PDE4B: variants seen among roughly 807,000 people sequenced by gnomAD.
PDE4B encodes the protein 3',5'-cyclic-AMP phosphodiesterase 4B.
A neutral mutation model predicts 82.2 loss-of-function variants in PDE4B; 20 were observed. The ratio of observed to expected loss-of-function variants is 0.24; its 90% CI spans 0.17 to 0.35. The LOEUF is 0.35. Among genes scored for constraint, PDE4B ranks in the 10% least tolerant of loss-of-function variants. The pLI, the probability that PDE4B is intolerant of heterozygous loss-of-function variation, is 1.00. For missense variants in PDE4B, 655 were observed against 907.2 expected, an observed-to-expected ratio of 0.72 and a Z score of 3.57; for synonymous variants, 320 against 318.9, an observed-to-expected ratio of 1.00 and a Z score of -0.04.
At chr1:65,905,576 T>C (rs1213404126) in intron 1 of PDE4B, among the ~76,000 whole-genome samples, 1 of 152,132 alleles carries the variant, frequency 6.6e-6, no homozygotes, top group Admixed American at 6.6e-5. Context: ...GCATGAAGAA[T>C]GCAAAGCTGG....
chr1:65,883,291 T>C (rs1220360609), intron 1 of PDE4B, among the ~76,000 whole-genome samples: 1 of 152,204 alleles, frequency 6.6e-6, no homozygotes, highest in African/African-American at 2.4e-5. Flanking sequence ...CCCATGAGCA[T>C]GGAATGTTCT....
intron 3 of PDE4B, among the ~76,000 whole-genome samples, chr1:66,103,278 A>G (rs1480594900): frequency 2.0e-5 from 3 of 149,800 alleles, no homozygotes; most frequent in Non-Finnish European, 4.5e-5. Flanking sequence ...CCCTCTCTGT[A>G]TCTTCAGGAA....
intron 7 of PDE4B, among the ~76,000 whole-genome samples, chr1:66,315,478 C>T (rs1658962007): frequency 6.6e-6 from 1 of 152,032 alleles, no homozygotes; most frequent in South Asian, 2.1e-4. Flanking sequence ...GTCACCCAGG[C>T]TGAGTCTCAC....
intron 3 of PDE4B, among the ~76,000 whole-genome samples, chr1:66,124,929 G>GTGTGTC (rs1553149133): frequency 6.6e-6 from 1 of 151,414 alleles, no homozygotes; most frequent in Non-Finnish European, 1.5e-5. Context: ...GTGTGTGTGT[G>GTGTGTC]TGTGTGTGTG....
intron 3 of PDE4B, among the ~76,000 whole-genome samples, chr1:66,000,177 G>A (rs1379648134): frequency 2.6e-5 from 4 of 152,166 alleles, no homozygotes; most frequent in Non-Finnish European, 5.9e-5. Context: ...TCATCAAGTA[G>A]CATGGTTGGT....
intron 3 of PDE4B, among the ~76,000 whole-genome samples, chr1:66,149,335 A>G (rs1052009777): frequency 2.0e-5 from 3 of 152,148 alleles, no homozygotes; most frequent in Non-Finnish European, 4.4e-5. Flanking sequence ...TGAGTTATTT[A>G]TATATTCTGG....
At chr1:66,229,164 T>A (rs12726571) in intron 3 of PDE4B, among the ~76,000 whole-genome samples, 1 of 150,802 alleles carries the variant, frequency 6.6e-6, no homozygotes, top group African/African-American at 2.5e-5. Context: ...CCCACCACCA[T>A]GCCCGGCTAA....
At chr1:65,794,070 T>C (rs1355972694) in intron 1 of PDE4B, among the ~76,000 whole-genome samples, 3 of 152,198 alleles carry the variant, frequency 2.0e-5, no homozygotes, top group Non-Finnish European at 4.4e-5. Context: ...TCTGTGTGTG[T>C]CACACACGTG....
At chr1:65,918,425 C>G (rs944827309) in intron 2 of PDE4B, among the ~76,000 whole-genome samples, 172 bp from the exon 3 acceptor site, 6 of 152,090 alleles carry the variant, frequency 3.9e-5, no homozygotes, top group African/African-American at 1.4e-4. Context: ...GAGAATCAGC[C>G]TCTTCTATTG....
At chr1:65,987,636 A>C (rs1178178553) in intron 3 of PDE4B, among the ~76,000 whole-genome samples, 1 of 151,798 alleles carries the variant, frequency 6.6e-6, no homozygotes, top group East Asian at 1.9e-4. Context: ...TTTGAGATGG[A>C]GTCTCACTGT....
At chr1:66,097,382 A>G in intron 3 of PDE4B, among the ~76,000 whole-genome samples, 1 of 151,990 alleles carries the variant, frequency 6.6e-6, no homozygotes, top group East Asian at 1.9e-4. Flanking sequence ...GTATGTGTTT[A>G]TTTGCCTGCC....
chr1:66,073,209 C>T (rs1656250177), intron 3 of PDE4B, among the ~76,000 whole-genome samples: 1 of 152,078 alleles, frequency 6.6e-6, no homozygotes, highest in Non-Finnish European at 1.5e-5. Flanking sequence ...CATGGCACAT[C>T]TACGCACCTT....
At chr1:65,927,651 T>C (rs1287213899) in intron 3 of PDE4B, among the ~76,000 whole-genome samples, 1 of 151,904 alleles carries the variant, frequency 6.6e-6, no homozygotes, top group Non-Finnish European at 1.5e-5. Flanking sequence ...ATGGGAGAGT[T>C]GAATGGGAAT....
intron 3 of PDE4B, among the ~76,000 whole-genome samples, chr1:66,084,700 G>C (rs538412488): frequency 3.3e-5 from 5 of 152,068 alleles, no homozygotes; most frequent in Admixed American, 3.3e-4. Context: ...AGATATGGTA[G>C]GTCTGGCCTG....
chr1:66,234,312 G>A (rs765602339), intron 3 of PDE4B, among the ~76,000 whole-genome samples: 14 of 152,122 alleles, frequency 9.2e-5, no homozygotes, highest in South Asian at 4.2e-4. Context: ...TTTTTGAGAC[G>A]GAGTCTTGCT....
intron 3 of PDE4B, among the ~76,000 whole-genome samples, chr1:66,186,309 G>T (rs2101439794): frequency 6.6e-6 from 1 of 152,268 alleles, no homozygotes; most frequent in East Asian, 1.9e-4. Flanking sequence ...GATTCACTTG[G>T]TGATGCGGGC....
chr1:65,951,691 G>A (rs558299197), intron 3 of PDE4B, among the ~76,000 whole-genome samples: 13 of 152,136 alleles, frequency 8.5e-5, no homozygotes, highest in East Asian at 1.9e-4. Flanking sequence ...AAATCCATGC[G>A]GAAATGAGGT....
intron 3 of PDE4B, among the ~76,000 whole-genome samples, chr1:66,039,985 T>A (rs1654279330): frequency 6.6e-6 from 1 of 151,996 alleles, no homozygotes; most frequent in East Asian, 1.9e-4. Flanking sequence ...TAGGAATGGA[T>A]AATTGAGAGG....
rs560696094 is a variant in PDE4B at position 65,914,473 on chromosome 1, T to TTCTTC, written c.42+1118_42+1119insCTTCT. 1.4e-4 allele frequency among the ~76,000 whole-genome samples: 13 copies of TTCTTC among 95,718 alleles called. No individual in the cohort carries two copies. The East Asian group carries it at 1.6e-3, about 12-fold the overall frequency. The allele number at this position is 95,718 out of a possible 152,430, so 62.8% of individuals were successfully genotyped here. ...GCATTTACTTCTTCTTCTTCTTCTTTTTTTTTTTTCTTTCTTCCTCTCTCC... is the reference window on the plus strand; with the variant it reads ...GCATTTACTTCTTCTTCTTCTTCTTTTCTTCTTTTTTTTTCTTTCTTCCTCTCTCC... On this transcript the variant is annotated intron_variant, in intron 2 of 16. Coordinates refer to ENST00000341517, the MANE Select transcript of PDE4B (RefSeq NM_002600.4).
Sources: gnomAD v4.1 joint callset for allele counts (sites outside exome capture counted in the v4.1 genomes callset) on GRCh38, gnomAD v4.1.1 for gene constraint, MANE v1.5 for transcripts, NCBI Gene and HGNC (gene_info 2026-07-23, HGNC 2026-07-21) for gene names.